The following AKT2 variants were observed in gnomAD, a reference collection of about 807,000 sequenced individuals.
AKT2 encodes the protein RAC-beta serine/threonine-protein kinase.
In AKT2, 16 loss-of-function variants were observed where a neutral mutation model predicts 58.6. The observed-to-expected ratio is 0.27, with a 90% CI of 0.18 to 0.41. The LOEUF is 0.41. Ranked by LOEUF, AKT2 falls within the 10% of genes least tolerant of loss-of-function variation. AKT2 has a pLI of 1.00. For synonymous variants in AKT2, 253 were observed against 254.0 expected (o/e 1.00, Z 0.04); for missense variants, 438 against 661.0 (o/e 0.66, Z 3.70).
At position 40,285,275 on chromosome 19, in the gene AKT2, G is replaced by T. The variant is rs919170510; in HGVS notation, c.-179C>A. On this transcript the variant is annotated 5_prime_UTR_variant, in exon 1 of 14. Coordinates refer to ENST00000392038, the MANE Select transcript of AKT2 (RefSeq NM_001626.6). ...CCCTTTCCTTGTGTTTCCCGGCAGC[G>T]GCAACGGCGCCGGCAGCGGCAGCGG... 24 of 394,916 alleles carry T rather than the reference G, an allele frequency of 6.1e-5. No homozygotes were observed. Among genetic ancestry groups the T allele is most frequent in the Non-Finnish European group, 1.0e-4 (23 of 223,944 alleles). 24.5% of individuals were successfully genotyped at this position (394,916 alleles called of 1,614,324 possible).
chr19:40,248,636 C>T (rs1974913359), intron 4 of AKT2, among the ~76,000 whole-genome samples: 1 of 152,230 alleles, frequency 6.6e-6, no homozygotes, highest in Admixed American at 6.5e-5. Flanking sequence ...AACTGCATGG[C>T]AAAGACCCCA....
intron 1 of AKT2, chr19:40,274,227 G>A (rs1020178405): frequency 1.3e-5 from 2 of 152,440 alleles, no homozygotes; most frequent in Non-Finnish European, 2.9e-5. Context: ...CCACAAGGCA[G>A]GGATACAGTC....
intron 2 of AKT2, among the ~76,000 whole-genome samples, chr19:40,263,280 T>TC (rs973952242): frequency 7.2e-5 from 11 of 152,174 alleles, no homozygotes; most frequent in Non-Finnish European, 1.6e-4. Flanking sequence ...GACCCTGTGT[T>TC]CCCCAGCACA....
In AKT2 at chr19:40,235,111, C is replaced by T; in HGVS notation, c.1300G>A (p.Val434Ile). 1 of 1,614,070 alleles carries T rather than the reference C, an allele frequency of 6.2e-7. No individual in the cohort carries two copies. The stretch of plus-strand genomic sequence containing the variant: ...TCATCATCGAAGTACCTTGTGTCGA[C>T]CTCGGACGTGACCTGAGGTTTGAAG... ...PPFKPQVTSE[V>I]DTRYFDDEFT... is the part of the protein sequence containing the mutation. Residue 434 changes from valine to isoleucine, a missense_variant, in exon 13 of 14, where the codon GTC (valine) becomes ATC (isoleucine). Around this residue, in one of 3 missense-constraint regions of AKT2, gnomAD observed 148 missense variants for 199.5 expected, o/e 0.74. Coordinates refer to ENST00000392038, the MANE Select transcript of AKT2 (RefSeq NM_001626.6). This position sits in a 1 kb window ranked among gnomAD's most constrained non-coding sequence, Gnocchi z 6.3.
At chr19:40,277,364 G>A (rs924676097) in intron 1 of AKT2, among the ~76,000 whole-genome samples, 2 of 152,076 alleles carry the variant, frequency 1.3e-5, no homozygotes, top group African/African-American at 4.8e-5. Flanking sequence ...CAAGGCCTTC[G>A]GACACCAGTT....
intron 4 of AKT2, among the ~76,000 whole-genome samples, chr19:40,245,952 G>A (rs919166611): frequency 1.4e-4 from 21 of 152,096 alleles, no homozygotes; most frequent in African/African-American, 4.8e-4. Context: ...GTGCACACCC[G>A]GGCAGAGCGG....
At chr19:40,284,019 C>T (rs12459567) in intron 1 of AKT2, among the ~76,000 whole-genome samples, 59,498 of 151,986 alleles carry the variant, frequency 0.39, 13,102 homozygotes, top group South Asian at 0.62. Context: ...CACTGCCAAC[C>T]AAGTTCAGCC....
chr19:40,266,641 A>G (rs539996357), intron 1 of AKT2, among the ~76,000 whole-genome samples: 1 of 152,252 alleles, frequency 6.6e-6, no homozygotes, highest in African/African-American at 2.4e-5. Context: ...CAGACTCTCA[A>G]TCCTCAGCAT....
At chr19:40,267,089 A>C (rs1489642373) in intron 1 of AKT2, among the ~76,000 whole-genome samples, 5 of 147,910 alleles carry the variant, frequency 3.4e-5, no homozygotes, top group Non-Finnish European at 6.0e-5. Flanking sequence ...ATCTGCCCCC[A>C]CCTCTTCCCC....
chr19:40,235,985 C>T lies in AKT2; in HGVS notation c.1080G>A (p.Glu360=). 1 of 1,614,084 alleles carries T rather than the reference C, an allele frequency of 6.2e-7. No homozygotes were observed. The highest frequency in any genetic ancestry group is 8.5e-7 in the Non-Finnish European group (1 of 1,180,034). The change falls in exon 11 of 14, where the codon GAG becomes GAA. Residue 360 remains glutamate (E), a synonymous_variant. Coordinates refer to ENST00000392038, the MANE Select transcript of AKT2 (RefSeq NM_001626.6). The surrounding 1 kb of genome is among the most constrained non-coding windows in gnomAD (Gnocchi z 6.3). The part of the protein sequence containing the change: ...FYNQDHERLF[E]LILMEEIRFP... ...AGCGGATCTCTTCCATGAGGATGAG[C>T]TCGAAGAGGCGCTCGTGGTCCTGGT... is the stretch of plus-strand genomic sequence containing the variant.
chr19:40,266,400 G>A (rs1485609261), intron 1 of AKT2: 1 of 152,328 alleles, frequency 6.6e-6, no homozygotes, highest in Non-Finnish European at 1.5e-5. Flanking sequence ...GCTACTGCCT[G>A]GCATGTGACA....
chr19:40,263,739 G>A (rs906801664), intron 2 of AKT2, among the ~76,000 whole-genome samples: 1 of 152,186 alleles, frequency 6.6e-6, no homozygotes, highest in African/African-American at 2.4e-5. Flanking sequence ...CCCTGTCTGC[G>A]TCTGCAGGCT....
intron 2 of AKT2, 100 bp downstream of exon 2, chr19:40,265,122 T>C (rs1361080547): frequency 1.3e-6 from 2 of 1,529,768 alleles, no homozygotes; most frequent in African/African-American, 1.4e-5. Context: ...TGCTGGCTCC[T>C]CAGGCTGGTA....
In AKT2 at chr19:40,242,249, G is replaced by GTGCCTGCAGAGCCTGGT; in HGVS notation, c.442-181_442-180insACCAGGCTCTGCAGGCA. On this transcript the variant is annotated intron_variant, in intron 5 of 13. Transcript: ENST00000392038. This position sits in a 1 kb window ranked among gnomAD's most constrained non-coding sequence, Gnocchi z 4.3. Reference sequence around the variant, plus strand: ...TGAAGCGGCCTTCAGACCAGGCTCTGCAGGCACAGGGCCTTGGGAGGGCTG... The same window carrying GTGCCTGCAGAGCCTGGT: ...TGAAGCGGCCTTCAGACCAGGCTCTGTGCCTGCAGAGCCTGGTCAGGCACAGGGCCTTGGGAGGGCTG... 1.0e-6 allele frequency: 1 copy of GTGCCTGCAGAGCCTGGT among 965,792 alleles called. No individual in the cohort carries two copies. Among genetic ancestry groups the GTGCCTGCAGAGCCTGGT allele is most frequent in the Non-Finnish European group, 1.6e-6 (1 of 636,078 alleles). 59.8% of individuals were successfully genotyped at this position (965,792 alleles called of 1,614,324 possible). A position where few individuals can be genotyped will look rare whatever the true frequency, so the allele number is the denominator to read the frequency against.
At chr19:40,255,367 T>C (rs1055969421) in intron 3 of AKT2, 98 bp from the exon 4 acceptor site, 12 of 899,632 alleles carry the variant, frequency 1.3e-5, no homozygotes, top group African/African-American at 9.8e-5. Context: ...CCTAGCCCCA[T>C]GCTAGATGGT....
chr19:40,241,799 C>A, intron 6 of AKT2, 139 bp downstream of exon 6: 1 of 1,338,942 alleles, frequency 7.5e-7, no homozygotes. Context: ...TCAGGCTCCC[C>A]CTTTTCTGAC....
chr19:40,251,513 G>T (rs1975151548), intron 4 of AKT2, among the ~76,000 whole-genome samples: 1 of 151,870 alleles, frequency 6.6e-6, no homozygotes, highest in Non-Finnish European at 1.5e-5. Context: ...ACACCCAGAA[G>T]GTGTGACATT....
chr19:40,254,527 CA>C lies in AKT2; in HGVS notation c.287+630del, dbSNP rs746776836. Among the ~76,000 whole-genome samples, 341 of 125,450 alleles carry C rather than the reference CA, an allele frequency of 2.7e-3. 1 individual carries two copies. The highest frequency in any genetic ancestry group is 4.8e-3 in the African/African-American group (155 of 31,972). 82.3% of individuals were successfully genotyped at this position (125,450 alleles called of 152,430 possible). On this transcript the variant is annotated intron_variant, in intron 4 of 13. Transcript: ENST00000392038. ...TGGGCAACAGAGCAAGACTCTGTCT[CA>C]AAAAAAAAAAAAAAGGGGGTCAGGT...
intron 6 of AKT2, chr19:40,241,663 C>T: frequency 4.1e-6 from 2 of 484,248 alleles, no homozygotes; most frequent in African/African-American, 2.0e-5. Context: ...CAACAGGCCC[C>T]AGCCTCCCTT....
Sources: gnomAD v4.1 joint callset for allele counts (sites outside exome capture counted in the v4.1 genomes callset) on GRCh38, gnomAD v4.1.1 for gene constraint, gnomAD v4.1.1 regional missense constraint, Gnocchi (gnomAD v3.1) non-coding constraint, MANE v1.5 for transcripts, NCBI Gene and HGNC (gene_info 2026-07-23, HGNC 2026-07-21) for gene names.